The following BRI3BP variants were observed in gnomAD, a reference collection of about 807,000 sequenced individuals.
The protein encoded by BRI3BP is BRI3 binding protein.
A neutral mutation model predicts 15.8 loss-of-function variants in BRI3BP; 7 were observed. The ratio of observed to expected loss-of-function variants is 0.44; its 90% CI spans 0.25 to 0.83. BRI3BP has a LOEUF of 0.83. Among genes scored for constraint, BRI3BP ranks in the 40% least tolerant of loss-of-function variants. BRI3BP has a pLI of 0.20. For synonymous variants in BRI3BP, 192 were observed against 163.5 expected, an observed-to-expected ratio of 1.17 and a Z score of -1.33; for missense variants, 320 against 339.3, an observed-to-expected ratio of 0.94 and a Z score of 0.45.
rs576038889 is a variant in BRI3BP, at chr12:125,015,279, T to C, written c.316+2643T>C. On this transcript the variant is annotated intron_variant, in intron 2 of 2. Coordinates refer to ENST00000341446, the MANE Select transcript of BRI3BP (RefSeq NM_080626.6). The stretch of plus-strand genomic sequence containing the variant: ...CTCAGTGTAATGATTGCTGTCCTTA[T>C]AAGAAGTGGGGAATTTGGACACAGA... Among the ~76,000 whole-genome samples the C allele has an allele frequency of 1.5e-3, 221 of 151,976 alleles. 1 individual carries two copies. Among genetic ancestry groups the C allele is most frequent in the African/African-American group, 5.0e-3 (209 of 41,444 alleles).
chr12:125,011,240 C>T (rs1004731088), intron 1 of BRI3BP, among the ~76,000 whole-genome samples: 4 of 152,084 alleles, frequency 2.6e-5, no homozygotes, highest in African/African-American at 9.7e-5. Context: ...CCCATAGATA[C>T]CTTGGTCAGC....
intron 1 of BRI3BP, among the ~76,000 whole-genome samples, chr12:124,994,517 G>A (rs1462259255): frequency 2.0e-5 from 3 of 152,106 alleles, no homozygotes; most frequent in Non-Finnish European, 4.4e-5. Context: ...GAAAAGAAGG[G>A]AGCAATGCGA....
At chr12:125,001,221 A>ATT (rs34379255) in intron 1 of BRI3BP, among the ~76,000 whole-genome samples, 1 of 151,114 alleles carries the variant, frequency 6.6e-6, no homozygotes, top group Admixed American at 6.6e-5. Flanking sequence ...CGCCCGGCTA[A>ATT]TTTTTTTTGT....
At chr12:125,042,479 C>CTT in the BRI3BP span, among the ~76,000 whole-genome samples, 2 of 143,054 alleles carry the variant, frequency 1.4e-5, no homozygotes, top group African/African-American at 2.5e-5. Context: ...TGAATTTCAT[C>CTT]TTTTTTTTTT....
intron 2 of BRI3BP, among the ~76,000 whole-genome samples, chr12:125,022,503 T>C (rs368581610): frequency 2.2e-5 from 1 of 45,306 alleles, no homozygotes; most frequent in Non-Finnish European, 4.0e-5. Flanking sequence ...TGATGTTATA[T>C]GGAATTGTTA....
intron 1 of BRI3BP, among the ~76,000 whole-genome samples, chr12:125,003,301 C>T (rs543584109): frequency 3.9e-5 from 6 of 152,154 alleles, no homozygotes; most frequent in Non-Finnish European, 8.8e-5. Context: ...CTGACTGCTG[C>T]AAGAAGAGCG....
At chr12:125,018,849 CTGTTTTTGTTTT>C (rs923518718) in intron 2 of BRI3BP, among the ~76,000 whole-genome samples, 1 of 151,436 alleles carries the variant, frequency 6.6e-6, no homozygotes, top group South Asian at 2.1e-4. Flanking sequence ...CTGGCTAATT[CTGTTTTTGTTTT>C]TGTTTTTGTT....
chr12:125,025,066 T>G lies in BRI3BP; in HGVS notation c.392T>G (p.Val131Gly). Residue 131 changes from valine to glycine, a missense_variant, in exon 3 of 3, where the codon GTC (valine) becomes GGC (glycine). Transcript: ENST00000341446. The stretch of plus-strand genomic sequence containing the variant: ...GCCCGCGCGCTCCTGCTGGTCGGCG[T>G]CGTCCTCCTGGCCTACTGGTTCTTG... ...SPARALLLVG[V>G]VLLAYWFLSL... 6.2e-7 allele frequency: 1 copy of G among 1,613,570 alleles called. No individual in the cohort carries two copies. Among genetic ancestry groups the G allele is most frequent in the Non-Finnish European group, 8.5e-7 (1 of 1,180,022 alleles).
downstream of BRI3BP, among the ~76,000 whole-genome samples, chr12:125,033,952 C>T (rs181600102): frequency 1.2e-4 from 18 of 152,106 alleles, 1 homozygote; most frequent in East Asian, 2.9e-3. Flanking sequence ...CAATGTTGGC[C>T]AGGCTGGTCT....
Position 124,993,893 on chromosome 12 carries a change from GC to G in BRI3BP, c.104del (p.Ala35GlyfsTer42). On this transcript the variant is annotated frameshift_variant, in exon 1 of 3. Transcript: ENST00000341446. LOFTEE classifies it high-confidence loss of function. ...LGLLAPGAQGARGRGGAEKNS... is the reference protein window; with the variant it reads ...LGLLAPGAQGXRGRGGAEKNS... ...GCTGCTGGCCCCGGGCGCGCAGGGG[GC>G]GCGGGGCCGCGGCGGCGCGGAGAAG... The G allele has an allele frequency of 1.6e-6, 2 of 1,261,870 alleles. No homozygotes were observed. The highest frequency in any genetic ancestry group is 4.6e-5 in the South Asian group (2 of 43,140). The allele number at this position is 1,261,870 out of a possible 1,614,324, so 78.2% of individuals were successfully genotyped here. A position where few individuals can be genotyped will look rare whatever the true frequency, so the allele number is the denominator to read the frequency against.
At chr12:125,024,218 G>A (rs1255494855) in intron 2 of BRI3BP, among the ~76,000 whole-genome samples, 3 of 151,974 alleles carry the variant, frequency 2.0e-5, no homozygotes, top group Admixed American at 6.6e-5. Context: ...GAGAGCAAAG[G>A]GGGCAGCTGC....
chr12:125,029,710 G>A lies in BRI3BP; in HGVS notation c.*4280G>A, dbSNP rs1282817646. 6.6e-6 allele frequency: 1 copy of A among 152,076 alleles called. No individual in the cohort carries two copies. Among genetic ancestry groups the A allele is most frequent in the Non-Finnish European group, 1.5e-5 (1 of 68,006 alleles). 9.4% of individuals were successfully genotyped at this position (152,076 alleles called of 1,614,324 possible). On this transcript the variant is annotated 3_prime_UTR_variant, in exon 3 of 3. Transcript: ENST00000341446. ...AGAATTTCTGGGAAGCAGACCTTGT[G>A]AATCGTGCCTGTGTCTTAATTCACA... is the stretch of plus-strand genomic sequence containing the variant.
rs1955352511 is a variant in BRI3BP, at chr12:125,026,070, C to T, written c.*640C>T. The T allele has an allele frequency of 6.6e-6, 1 of 152,196 alleles. No homozygotes were observed. Among genetic ancestry groups the T allele is most frequent in the Non-Finnish European group, 1.5e-5 (1 of 68,038 alleles). The allele number at this position is 152,196 out of a possible 1,614,324, so 9.4% of individuals were successfully genotyped here. ...ATCCTAGAGACCCCTGCCAAGCCCC[C>T]ATCAGTCCTATTTTTAAATGAAGAC... On this transcript the variant is annotated 3_prime_UTR_variant, in exon 3 of 3. Coordinates refer to ENST00000341446, the MANE Select transcript of BRI3BP (RefSeq NM_080626.6).
chr12:125,020,341 C>T (rs527902476), intron 2 of BRI3BP, among the ~76,000 whole-genome samples: 19 of 152,270 alleles, frequency 1.2e-4, no homozygotes, highest in Admixed American at 2.0e-4. Context: ...TTCTTGTAGA[C>T]GATGCCTCAC....
chr12:125,015,564 A>G (rs1163291437), intron 2 of BRI3BP, among the ~76,000 whole-genome samples: 1 of 152,068 alleles, frequency 6.6e-6, no homozygotes, highest in African/African-American at 2.4e-5. Context: ...ACGGGAAACC[A>G]TTATACCATA....
intron 1 of BRI3BP, among the ~76,000 whole-genome samples, chr12:125,001,034 G>T (rs930260888): frequency 6.6e-6 from 1 of 152,060 alleles, no homozygotes; most frequent in African/African-American, 2.4e-5. Flanking sequence ...TGGAGGAAGG[G>T]ACTTAATTAT....
chr12:125,005,301 T>G (rs934836360), intron 1 of BRI3BP, among the ~76,000 whole-genome samples: 1 of 152,176 alleles, frequency 6.6e-6, no homozygotes, highest in African/African-American at 2.4e-5. Flanking sequence ...ATGATTTAAG[T>G]CACTTTTAAT....
intron 2 of BRI3BP, among the ~76,000 whole-genome samples, chr12:125,020,501 T>C (rs999590579): frequency 6.6e-6 from 1 of 152,216 alleles, no homozygotes; most frequent in Admixed American, 6.5e-5. Flanking sequence ...GATTTCAACA[T>C]AGGAATTTTG....
At chr12:125,024,867 A>T in intron 2 of BRI3BP, 124 bp from the exon 3 acceptor site, 1 of 793,110 alleles carries the variant, frequency 1.3e-6, no homozygotes, top group Non-Finnish European at 2.0e-6. Flanking sequence ...AACTTCCTTG[A>T]GTTCCTTTGG....
Sources: allele counts gnomAD v4.1 joint callset (sites outside exome capture counted in the v4.1 genomes callset), GRCh38; gene constraint gnomAD v4.1.1; transcripts MANE v1.5; gene names NCBI Gene and HGNC (gene_info 2026-07-23, HGNC 2026-07-21).